The following ZFPM1 variants were observed in gnomAD, a reference collection of about 807,000 sequenced individuals.
ZFPM1 encodes the protein zinc finger protein, FOG family member 1.
A neutral mutation model predicts 46.3 loss-of-function variants in ZFPM1; 28 were observed. That is an observed-to-expected ratio of 0.60 (90% CI 0.45 to 0.83). ZFPM1 has a LOEUF of 0.83. Among genes scored for constraint, ZFPM1 ranks in the 40% least tolerant of loss-of-function variants. The pLI is 0.00. For synonymous variants in ZFPM1, 957 were observed against 675.9 expected, an observed-to-expected ratio of 1.42 and a Z score of -6.45; for missense variants, 1,878 against 1,432.4, an observed-to-expected ratio of 1.31 and a Z score of -5.02.
intron 6 of ZFPM1, among the ~76,000 whole-genome samples, chr16:88,530,773 G>T (rs1289302389): frequency 6.6e-6 from 1 of 152,216 alleles, no homozygotes; most frequent in African/African-American, 2.4e-5. Flanking sequence ...GGCCTCCCAG[G>T]TCTGGGACCC....
intron 3 of ZFPM1, among the ~76,000 whole-genome samples, chr16:88,506,608 G>A (rs1378637533): frequency 6.6e-6 from 1 of 152,206 alleles, no homozygotes; most frequent in Non-Finnish European, 1.5e-5. Flanking sequence ...CATTTCCCCA[G>A]TGTGGCCAGA....
intron 3 of ZFPM1, among the ~76,000 whole-genome samples, chr16:88,494,606 G>A (rs528030179): frequency 1.0e-3 from 153 of 152,314 alleles, no homozygotes; most frequent in African/African-American, 3.2e-3. Context: ...AGGGTGAGTC[G>A]GGGCCCTGCA....
In ZFPM1 at chr16:88,503,029, T is replaced by TG. The variant is rs549723679; in HGVS notation, c.269-11355dup. ...GGCTGTGTGCGGTCTCTTCGGCAGG[T>TG]GGGAGGTGGCAGGGGCGCTGCTCCG... On this transcript the variant is annotated intron_variant, in intron 3 of 9. Coordinates refer to ENST00000319555, the MANE Select transcript of ZFPM1 (RefSeq NM_153813.3). Among the ~76,000 whole-genome samples the TG allele has an allele frequency of 9.3e-4, 142 of 152,238 alleles. 1 individual carries two copies. In the South Asian group the frequency reaches 0.014, roughly 15 times the overall value.
At chr16:88,464,014 A>C (rs939562730) in intron 1 of ZFPM1, among the ~76,000 whole-genome samples, 3 of 152,212 alleles carry the variant, frequency 2.0e-5, no homozygotes, top group African/African-American at 7.2e-5. Context: ...ATGGGGCTCC[A>C]GCCAGCCAGG....
chr16:88,506,153 G>A (rs1910645353), intron 3 of ZFPM1, among the ~76,000 whole-genome samples: 1 of 152,166 alleles, frequency 6.6e-6, no homozygotes, highest in Non-Finnish European at 1.5e-5. Context: ...ATGGCCAGGA[G>A]GCCAACAGGG....
At chr16:88,467,991 G>A (rs529284165) in intron 1 of ZFPM1, among the ~76,000 whole-genome samples, 4 of 145,376 alleles carry the variant, frequency 2.8e-5, no homozygotes, top group South Asian at 2.2e-4. Context: ...CTCTCAACCC[G>A]CACACCCGCG....
chr16:88,525,217 G>A (rs1350299568), intron 4 of ZFPM1, among the ~76,000 whole-genome samples: 2 of 152,228 alleles, frequency 1.3e-5, no homozygotes, highest in African/African-American at 4.8e-5. Context: ...AGCCTGGCTG[G>A]GACCCCACTG....
rs984918527 is a variant in ZFPM1 at position 88,469,444 on chromosome 16, G to T, written c.40+15766G>T. ...CCACACCATGAGGCTGAGGTGGCAG[G>T]TTCTCTGGGGGTCCTCCTGTCTGTG... On this transcript the variant is annotated intron_variant, in intron 1 of 9. Transcript: ENST00000319555. The surrounding 1 kb of genome is among the most constrained non-coding windows in gnomAD (Gnocchi z 4.3). 1.3e-5 allele frequency among the ~76,000 whole-genome samples: 2 copies of T among 152,212 alleles called. No homozygotes were observed. The highest frequency in any genetic ancestry group is 1.9e-4 in the East Asian group (1 of 5,198).
chr16:88,475,862 C>T (rs1161798149), intron 1 of ZFPM1, among the ~76,000 whole-genome samples: 4 of 152,180 alleles, frequency 2.6e-5, no homozygotes, highest in African/African-American at 9.6e-5. Flanking sequence ...ACCCTCGGCC[C>T]CCTGGACGGC....
At chr16:88,524,390 G>T (rs558742746) in intron 4 of ZFPM1, among the ~76,000 whole-genome samples, 1 of 152,224 alleles carries the variant, frequency 6.6e-6, no homozygotes, top group African/African-American at 2.4e-5. Context: ...AGCCGGCAGA[G>T]CCCCACAGCT....
At chr16:88,481,238 AC>A (rs1053431196) in intron 1 of ZFPM1, among the ~76,000 whole-genome samples, 4 of 152,158 alleles carry the variant, frequency 2.6e-5, no homozygotes, top group Non-Finnish European at 2.9e-5. Context: ...GCCCGTGGAC[AC>A]CTCCAGGCAG....
chr16:88,520,567 T>G (rs111067846), intron 4 of ZFPM1, among the ~76,000 whole-genome samples: 6 of 118,108 alleles, frequency 5.1e-5, no homozygotes, highest in East Asian at 2.7e-4. Flanking sequence ...GATGGATGGA[T>G]GGATGGATGG....
chr16:88,517,210 A>ATGGATGGATGGATGGGTGGGTGGG (rs1567548121), intron 4 of ZFPM1, among the ~76,000 whole-genome samples: 38 of 118,942 alleles, frequency 3.2e-4, no homozygotes, highest in African/African-American at 1.2e-3. Context: ...GGATGGATGG[A>ATGGATGGATGGATGGGTGGGTGGG]TGGATGGATG....
intron 1 of ZFPM1, among the ~76,000 whole-genome samples, chr16:88,457,277 G>A (rs113936469): frequency 6.6e-6 from 1 of 152,252 alleles, no homozygotes; most frequent in African/African-American, 2.4e-5. Flanking sequence ...GAGGCACCCG[G>A]GTGTTGAGGC....
At chr16:88,490,910 G>A (rs148734910) in intron 3 of ZFPM1, among the ~76,000 whole-genome samples, 1 of 152,292 alleles carries the variant, frequency 6.6e-6, no homozygotes, top group Non-Finnish European at 1.5e-5. Flanking sequence ...GGGGTTCCAG[G>A]CGCCATGGTA....
At position 88,533,993 on chromosome 16, in the gene ZFPM1, G is replaced by A; in HGVS notation, c.2035G>A (p.Asp679Asn). The change falls in exon 10 of 10, where the codon GAC (aspartate) becomes AAC (asparagine). Residue 679 changes from aspartate to asparagine, a missense_variant. Asp to Asn is a conservative substitution (Grantham distance 23, BLOSUM62 1). Transcript: ENST00000319555. ...PGSSVDDAED[D>N]PSRTLCEACN... ...TAGCTCCGTGGACGACGCGGAGGAC[G>A]ACCCCAGCCGCACGCTGTGCGAGGC... is the stretch of plus-strand genomic sequence containing the variant. 1 of 1,358,786 alleles carries A rather than the reference G, an allele frequency of 7.4e-7. No individual in the cohort carries two copies. The highest frequency in any genetic ancestry group is 9.6e-7 in the Non-Finnish European group (1 of 1,040,120). The allele number at this position is 1,358,786 out of a possible 1,614,324, so 84.2% of individuals were successfully genotyped here.
rs62048969 is a variant in ZFPM1, at chr16:88,488,410, G to A, written c.146-621G>A. Among the ~76,000 whole-genome samples the A allele has an allele frequency of 3.3e-3, 502 of 152,386 alleles. 1 individual carries two copies. The highest frequency in any genetic ancestry group is 9.0e-3 in the African/African-American group (375 of 41,590). ...CACAGCAGCGCAGGAGCTGTCTGCC[G>A]CTTGGCGGGTCCAGCGAGGCTCCCT... On this transcript the variant is annotated intron_variant, in intron 2 of 9. Coordinates refer to ENST00000319555, the MANE Select transcript of ZFPM1 (RefSeq NM_153813.3).
At chr16:88,454,266 A>G in intron 1 of ZFPM1, among the ~76,000 whole-genome samples, 1 of 151,988 alleles carries the variant, frequency 6.6e-6, no homozygotes. Flanking sequence ...AGGACAGGGG[A>G]GGGGGTAGCG....
At chr16:88,527,632 C>G (rs570649338) in intron 5 of ZFPM1, among the ~76,000 whole-genome samples, 2 of 152,142 alleles carry the variant, frequency 1.3e-5, no homozygotes, top group South Asian at 2.1e-4. Context: ...GAGGCTGCCC[C>G]CTGCGGGTGG....
Sources: allele counts gnomAD v4.1 joint callset (sites outside exome capture counted in the v4.1 genomes callset), GRCh38; gene constraint gnomAD v4.1.1; non-coding constraint Gnocchi (gnomAD v3.1); transcripts MANE v1.5; gene names NCBI Gene and HGNC (gene_info 2026-07-23, HGNC 2026-07-21).